ERCC6L: variants seen among roughly 807,000 people sequenced by gnomAD.
ERCC6L encodes DNA excision repair protein ERCC-6-like.
A neutral mutation model predicts 20.1 loss-of-function variants in ERCC6L; 7 were observed. The ratio of observed to expected loss-of-function variants is 0.35; its 90% confidence interval spans 0.20 to 0.65. ERCC6L has a LOEUF of 0.65. ERCC6L is among the 30% of genes least tolerant of loss of function. ERCC6L has a pLI of 0.69. For missense variants in ERCC6L, 592 were observed against 892.4 expected (o/e 0.66, Z 4.29); for synonymous variants, 278 against 331.3 (o/e 0.84, Z 1.75).
Position 72,207,672 on chromosome X carries a change from A to C in ERCC6L, c.1095T>G (p.Asn365Lys). Residue 365 changes from asparagine to lysine, a missense_variant, in exon 2 of 2, where the codon AAT becomes AAG. Asn to Lys is a moderately conservative substitution (Grantham distance 94). Coordinates refer to ENST00000334463, the MANE Select transcript of ERCC6L (RefSeq NM_017669.4). Reference sequence around the variant, plus strand: ...CAAGTCGTATCCAAATAATTAAATCATTTTTCCTGGAAAGGGAAGGCATTT... The same window carrying C: ...CAAGTCGTATCCAAATAATTAAATCCTTTTTCCTGGAAAGGGAAGGCATTT... ...ICEMPSLSRK[N>K]DLIIWIRLVP... is the part of the protein sequence containing the mutation. The C allele has an allele frequency of 8.3e-7, 1 of 1,209,548 alleles. No homozygotes were observed. The highest frequency in any genetic ancestry group is 1.1e-6 in the Non-Finnish European group (1 of 894,646).
chrX:72,215,643 C>A (rs2042883490), intron 1 of ERCC6L, among the ~76,000 whole-genome samples: 1 of 111,386 alleles, frequency 9.0e-6, no homozygotes, highest in Non-Finnish European at 1.9e-5. Context: ...AATTTGAAGG[C>A]ATACAAAAAG....
chrX:72,218,006 C>A (rs993456757), intron 1 of ERCC6L, among the ~76,000 whole-genome samples: 4 of 111,443 alleles, frequency 3.6e-5, no homozygotes, highest in Non-Finnish European at 5.6e-5. Flanking sequence ...CGCGGTGGCT[C>A]ATGCCTGTAA....
intron 1 of ERCC6L, among the ~76,000 whole-genome samples, chrX:72,211,561 C>T (rs1012665700): frequency 3.6e-5 from 4 of 111,612 alleles, no homozygotes; most frequent in Non-Finnish European, 5.6e-5. Context: ...GTCTGGATTA[C>T]AATTCAAGAT....
At chrX:72,233,019 A>C (rs1441316254) in intron 1 of ERCC6L, among the ~76,000 whole-genome samples, 2 of 111,317 alleles carry the variant, frequency 1.8e-5, no homozygotes, top group African/African-American at 6.5e-5. Context: ...TATTCACAGA[A>C]TACTAAGCTA....
At chrX:72,223,556 A>G (rs752263671) in intron 1 of ERCC6L, among the ~76,000 whole-genome samples, 29 of 107,925 alleles carry the variant, frequency 2.7e-4, no homozygotes, top group African/African-American at 8.1e-4. Context: ...CACCCAGCTA[A>G]TTTTGTATTT....
At chrX:72,225,497 A>G (rs1260559254) in intron 1 of ERCC6L, among the ~76,000 whole-genome samples, 1 of 112,370 alleles carries the variant, frequency 8.9e-6, no homozygotes, top group Non-Finnish European at 1.9e-5. Context: ...CAAAAGTCTC[A>G]TACCTAGGAT....
intron 1 of ERCC6L, among the ~76,000 whole-genome samples, chrX:72,218,536 C>G (rs1165686939): frequency 9.3e-6 from 1 of 107,252 alleles, no homozygotes; most frequent in African/African-American, 3.4e-5. Context: ...CTCTGTCACC[C>G]AGGCTGGAGT....
chrX:72,229,852 C>T (rs1156942275), intron 1 of ERCC6L, among the ~76,000 whole-genome samples: 6 of 111,788 alleles, frequency 5.4e-5, no homozygotes, highest in Non-Finnish European at 9.4e-5. Context: ...GCTGTTTCAA[C>T]AGAACTACAG....
intron 1 of ERCC6L, among the ~76,000 whole-genome samples, chrX:72,214,155 G>A (rs191040053): frequency 8.9e-6 from 1 of 112,156 alleles, no homozygotes; most frequent in East Asian, 2.8e-4. Context: ...GAGTAGGCTA[G>A]GAGGATTCCT....
At chrX:72,236,700 CT>C (rs2043019238) in intron 1 of ERCC6L, among the ~76,000 whole-genome samples, 1 of 112,240 alleles carries the variant, frequency 8.9e-6, no homozygotes, top group East Asian at 2.8e-4. Flanking sequence ...TTCTTGGCAA[CT>C]GCAACTTTAA....
chrX:72,217,405 A>G (rs1391750047), intron 1 of ERCC6L, among the ~76,000 whole-genome samples: 1 of 111,863 alleles, frequency 8.9e-6, no homozygotes, highest in Non-Finnish European at 1.9e-5. Flanking sequence ...AGGAATCCAA[A>G]GCCAATAACC....
chrX:72,227,868 G>A (rs1216068295), intron 1 of ERCC6L, among the ~76,000 whole-genome samples: 3 of 112,256 alleles, frequency 2.7e-5, no homozygotes, highest in Non-Finnish European at 3.8e-5. Context: ...CTTAAATATC[G>A]GCCAGCCGTA....
chrX:72,219,374 T>A (rs6653185), intron 1 of ERCC6L, among the ~76,000 whole-genome samples: 1 of 99,442 alleles, frequency 1.0e-5, no homozygotes, highest in Middle Eastern at 5.7e-3. Context: ...GCCAACATGG[T>A]GAAACCCCAT....
intron 1 of ERCC6L, among the ~76,000 whole-genome samples, chrX:72,211,433 A>T (rs1336344758): frequency 8.9e-6 from 1 of 111,798 alleles, no homozygotes; most frequent in African/African-American, 3.3e-5. Context: ...CAAAAATTTT[A>T]TGTTTAAATG....
Position 72,206,400 on chromosome X carries a change from G to A in ERCC6L, c.2367C>T (p.Leu789=), listed in dbSNP as rs750234088. 5 of 1,207,816 alleles carry A rather than the reference G, an allele frequency of 4.1e-6. No homozygotes were observed. The highest frequency in any genetic ancestry group is 2.2e-5 in the Admixed American group (1 of 45,450). ...DLPKEGEKQD[L]SSIKVNVTTL... ...TGGTAACATTCACCTTTATACTGGA[G>A]AGATCTTGTTTCTCACCCTCTTTGG... Residue 789 remains leucine (L), a synonymous_variant, in exon 2 of 2, where the codon CTC becomes CTT. Coordinates refer to ENST00000334463, the MANE Select transcript of ERCC6L (RefSeq NM_017669.4).
chrX:72,233,659 T>G (rs2147605060), intron 1 of ERCC6L, among the ~76,000 whole-genome samples: 1 of 104,713 alleles, frequency 9.5e-6, no homozygotes, highest in African/African-American at 3.6e-5. Flanking sequence ...GAGGCGAAGT[T>G]TACAGTGAGC....
chrX:72,234,245 GAAGT>G (rs900730799), intron 1 of ERCC6L, among the ~76,000 whole-genome samples: 4 of 112,661 alleles, frequency 3.6e-5, no homozygotes, highest in African/African-American at 1.3e-4. Flanking sequence ...AGCAGTCAGT[GAAGT>G]AAGAAGAAAA....
At position 72,208,436 on chromosome X, in the gene ERCC6L, A is replaced by T; in HGVS notation, c.331T>A (p.Tyr111Asn). ...ATACCACCTTTTCTTCCATCCCTAT[A>T]CAGGCTATAGAGGAAAGCTATGCCT... ...KEGIAFLYSL[Y>N]RDGRKGGILA... Residue 111 changes from tyrosine (Y) to asparagine (N), a missense_variant, in exon 2 of 2, where the codon TAT becomes AAT. Physicochemically the swap from Tyr to Asn is moderately radical, Grantham distance 143 (BLOSUM62 -2). Coordinates refer to ENST00000334463, the MANE Select transcript of ERCC6L (RefSeq NM_017669.4). 6 of 1,211,703 alleles carry T rather than the reference A, an allele frequency of 5.0e-6. No individual in the cohort carries two copies. Among genetic ancestry groups the T allele is most frequent in the Non-Finnish European group, 6.7e-6 (6 of 895,475 alleles).
intron 1 of ERCC6L, among the ~76,000 whole-genome samples, chrX:72,210,202 AAAATAAATAAATAAATAAATAAAT>A (rs58086876): frequency 3.1e-5 from 3 of 97,190 alleles, no homozygotes; most frequent in South Asian, 5.0e-4. Flanking sequence ...TGTCTCTTAA[AAAATAAATAAATAAATAAATAAAT>A]AAATAAATAA....
Sources: allele counts gnomAD v4.1 joint callset (sites outside exome capture counted in the v4.1 genomes callset), GRCh38; gene constraint gnomAD v4.1.1; transcripts MANE v1.5; gene names NCBI Gene and HGNC (gene_info 2026-07-23, HGNC 2026-07-21).